SORCS1: variants seen among roughly 807,000 people sequenced by gnomAD.
SORCS1 encodes VPS10 domain-containing receptor SorCS1.
In SORCS1, 60 loss-of-function variants were observed where a neutral mutation model predicts 146.1. The observed-to-expected ratio is 0.41, with a 90% confidence interval of 0.33 to 0.51. The LOEUF (loss-of-function observed/expected upper bound fraction) is 0.51, where lower values mean the gene tolerates loss of function less well. Among genes scored for constraint, SORCS1 ranks in the 20% least tolerant of loss-of-function variants. The probability of loss-of-function intolerance (pLI) is 0.21; values close to 1 mark genes in which losing one functional copy is unlikely to be tolerated. For missense variants in SORCS1, 1,352 were observed against 1,487.6 expected, an observed-to-expected ratio of 0.91 and a Z score of 1.50; for synonymous variants, 637 against 584.0, an observed-to-expected ratio of 1.09 and a Z score of -1.31.
intron 2 of SORCS1, among the ~76,000 whole-genome samples, chr10:106,904,209 T>C (rs892085689): frequency 2.0e-5 from 3 of 152,236 alleles, no homozygotes; most frequent in Non-Finnish European, 4.4e-5. Context: ...TAGGTGGTCA[T>C]GGAATTTGCC....
intron 1 of SORCS1, among the ~76,000 whole-genome samples, chr10:107,160,772 T>G (rs1185529513): frequency 3.9e-5 from 6 of 152,136 alleles, no homozygotes; most frequent in Non-Finnish European, 8.8e-5. Context: ...TACAAAGGAT[T>G]TTATAAAGAT....
intron 18 of SORCS1, among the ~76,000 whole-genome samples, chr10:106,647,007 GTATATATATATATATATATA>G (rs57891596): frequency 6.0e-5 from 8 of 134,236 alleles, no homozygotes; most frequent in African/African-American, 1.9e-4. Flanking sequence ...GTTTGTATGT[GTATATATATATATATATATA>G]TATATATATA....
intron 19 of SORCS1, among the ~76,000 whole-genome samples, chr10:106,625,200 C>CTGTG (rs3044907): frequency 0.043 from 5,959 of 140,082 alleles, 169 homozygotes; most frequent in Non-Finnish European, 0.057. Flanking sequence ...TTGTGTGATT[C>CTGTG]TGTGTGTGTG....
At chr10:106,904,687 T>C (rs1057423105) in intron 2 of SORCS1, among the ~76,000 whole-genome samples, 7 of 152,226 alleles carry the variant, frequency 4.6e-5, no homozygotes, top group Non-Finnish European at 1.0e-4. Context: ...AGCTAAACTA[T>C]GCCATGTTTA....
intron 1 of SORCS1, among the ~76,000 whole-genome samples, chr10:106,980,319 A>C (rs1172195804): frequency 2.0e-5 from 3 of 152,212 alleles, no homozygotes; most frequent in African/African-American, 7.2e-5. Flanking sequence ...AGGAATTATA[A>C]ACATTTATTC....
At chr10:106,590,756 G>A (rs578122297) in intron 24 of SORCS1, among the ~76,000 whole-genome samples, 1 of 152,320 alleles carries the variant, frequency 6.6e-6, no homozygotes, top group African/African-American at 2.4e-5. Flanking sequence ...CTGGGTTAAA[G>A]TGAATCTTGT....
chr10:106,762,916 T>G (rs1859248589), intron 4 of SORCS1, among the ~76,000 whole-genome samples: 1 of 152,098 alleles, frequency 6.6e-6, no homozygotes, highest in African/African-American at 2.4e-5. Flanking sequence ...CACCTGGTAT[T>G]TCAACACAGA....
intron 8 of SORCS1, among the ~76,000 whole-genome samples, chr10:106,705,660 A>C (rs1301480069): frequency 1.3e-5 from 2 of 152,216 alleles, no homozygotes; most frequent in Non-Finnish European, 2.9e-5. Context: ...TCTAAGATTA[A>C]GGCACAGTAC....
intron 1 of SORCS1, among the ~76,000 whole-genome samples, chr10:106,970,355 T>TTTTTTTTTTTTTTA (rs1955718597): frequency 6.8e-6 from 1 of 146,856 alleles, no homozygotes; most frequent in Non-Finnish European, 1.5e-5. Context: ...TTTTTTTTTT[T>TTTTTTTTTTTTTTA]GAGATGGAGT....
chr10:106,807,394 T>G (rs559235617), intron 3 of SORCS1, among the ~76,000 whole-genome samples: 1 of 152,336 alleles, frequency 6.6e-6, no homozygotes, highest in South Asian at 2.1e-4. Flanking sequence ...TTTCATTCAC[T>G]AAGCACTGGG....
At chr10:106,806,958 C>G (rs1412678730) in intron 3 of SORCS1, among the ~76,000 whole-genome samples, 2 of 152,122 alleles carry the variant, frequency 1.3e-5, no homozygotes, top group Non-Finnish European at 2.9e-5. Flanking sequence ...TTTTAATTCC[C>G]ATAGTCCTGA....
intron 10 of SORCS1, among the ~76,000 whole-genome samples, chr10:106,687,411 C>A (rs1356172229): frequency 6.6e-6 from 1 of 152,084 alleles, no homozygotes; most frequent in African/African-American, 2.4e-5. Flanking sequence ...GTCAGCAAAC[C>A]TTTGTAAAGG....
intron 4 of SORCS1, 41 bp downstream of exon 4, chr10:106,776,493 G>C (rs1422836959): frequency 6.2e-7 from 1 of 1,607,720 alleles, no homozygotes; most frequent in East Asian, 2.2e-5. Context: ...TTTCCCCGGA[G>C]AACCATGCTT....
intron 3 of SORCS1, among the ~76,000 whole-genome samples, chr10:106,796,187 T>A (rs559193943): frequency 7.9e-5 from 12 of 152,340 alleles, no homozygotes; most frequent in Non-Finnish European, 1.5e-4. Context: ...TGCTATTTTT[T>A]AAAATGTCTG....
At chr10:106,950,402 GC>G (rs1364592628) in intron 2 of SORCS1, among the ~76,000 whole-genome samples, 2 of 152,138 alleles carry the variant, frequency 1.3e-5, no homozygotes, top group Non-Finnish European at 2.9e-5. Flanking sequence ...TTTGCCAGTT[GC>G]CCCTTTCTGA....
At chr10:106,937,087 A>G (rs1953758197) in intron 2 of SORCS1, among the ~76,000 whole-genome samples, 1 of 152,148 alleles carries the variant, frequency 6.6e-6, no homozygotes, top group Admixed American at 6.5e-5. Flanking sequence ...TGTCATGGGA[A>G]GGACTCATTG....
At chr10:106,803,460 A>T (rs1947011339) in intron 3 of SORCS1, among the ~76,000 whole-genome samples, 1 of 152,200 alleles carries the variant, frequency 6.6e-6, no homozygotes, top group African/African-American at 2.4e-5. Context: ...GATGTCTAGC[A>T]CTAGTTTTCA....
At chr10:106,731,921 A>G (rs981346522) in intron 5 of SORCS1, among the ~76,000 whole-genome samples, 1 of 152,214 alleles carries the variant, frequency 6.6e-6, no homozygotes, top group Non-Finnish European at 1.5e-5. Context: ...GGACAAGAGG[A>G]AGGAGGTAAA....
upstream of SORCS1, among the ~76,000 whole-genome samples, chr10:107,164,815 G>A (rs1356782222): frequency 6.8e-6 from 1 of 147,862 alleles, no homozygotes; most frequent in Non-Finnish European, 1.5e-5. This position sits in a 1 kb window ranked among gnomAD's most constrained non-coding sequence, Gnocchi z 6.8. Flanking sequence ...GGGAGGGAGG[G>A]CAGGCGCTGC....
Sources: allele counts gnomAD v4.1 joint callset (sites outside exome capture counted in the v4.1 genomes callset), GRCh38; gene constraint gnomAD v4.1.1; non-coding constraint Gnocchi (gnomAD v3.1); transcripts MANE v1.5; gene names NCBI Gene and HGNC (gene_info 2026-07-23, HGNC 2026-07-21).